The following KAZN variants were observed in gnomAD, a reference collection of about 807,000 sequenced individuals.
KAZN encodes the protein kazrin.
Under a neutral mutation model 87.4 loss-of-function variants are expected in KAZN, and 40 were observed. That is an observed-to-expected ratio of 0.46 (90% CI 0.36 to 0.60). The LOEUF (loss-of-function observed/expected upper bound fraction) is 0.60. Among genes scored for constraint, KAZN ranks in the 20% least tolerant of loss-of-function variants. KAZN has a pLI of 0.00. For missense variants in KAZN, 898 were observed against 1,073.9 expected (o/e 0.84, Z 2.29); for synonymous variants, 466 against 458.3 (o/e 1.02, Z -0.22).
At chr1:14,244,908 G>C (rs555436665) in intron 2 of KAZN, among the ~76,000 whole-genome samples, 10 of 152,194 alleles carry the variant, frequency 6.6e-5, no homozygotes, top group African/African-American at 2.4e-4. Flanking sequence ...GTAGTATTCT[G>C]AGCAGAAGAG....
intron 2 of KAZN, among the ~76,000 whole-genome samples, chr1:14,284,855 C>A (rs1349746085): frequency 6.6e-6 from 1 of 152,184 alleles, no homozygotes; most frequent in Non-Finnish European, 1.5e-5. Context: ...GGCTATTGGG[C>A]AAGTTAGTAC....
In KAZN at chr1:14,735,411, G is replaced by A. The variant is rs1438550208; in HGVS notation, c.226+136188G>A. Among the ~76,000 whole-genome samples the A allele has an allele frequency of 6.6e-6, 1 of 152,200 alleles. No homozygotes were observed. On this transcript the variant is annotated intron_variant, in intron 1 of 14. Transcript: ENST00000376030. This position sits in a 1 kb window ranked among gnomAD's most constrained non-coding sequence, Gnocchi z 4.3. ...TATTCTTGAAGGGAACACAAAAGAG[G>A]TATAGGATCTCCTTCTTCTTCCAGG...
intron 2 of KAZN, among the ~76,000 whole-genome samples, chr1:14,228,397 A>C (rs1241495491): frequency 6.6e-6 from 1 of 152,132 alleles, no homozygotes; most frequent in Non-Finnish European, 1.5e-5. Flanking sequence ...GGGAACCAAG[A>C]AGTTTGATTT....
intron 1 of KAZN, among the ~76,000 whole-genome samples, chr1:14,768,390 A>G (rs1194255934): frequency 6.6e-6 from 1 of 152,218 alleles, no homozygotes; most frequent in African/African-American, 2.4e-5. Context: ...GGAAGGTAGA[A>G]TCAGCTTCAT....
chr1:14,535,664 C>CA (rs56960061), intron 2 of KAZN, among the ~76,000 whole-genome samples: 4 of 146,168 alleles, frequency 2.7e-5, no homozygotes, highest in African/African-American at 1.0e-4. Context: ...GACTCTGTCT[C>CA]AAAAAAAAAA....
rs550023480 is a variant in KAZN, at chr1:14,166,476, G to A, written c.92-13959G>A. On this transcript the variant is annotated intron_variant, in intron 1 of 16. Transcript: ENST00000636203. ...CTCAAGTTTCTCATCTATGAAATGC[G>A]GGTGATCAGATCACCATCATCTGAC... 7.9e-5 allele frequency among the ~76,000 whole-genome samples: 12 copies of A among 152,208 alleles called. No homozygotes were observed. The East Asian group carries it at 9.6e-4, about 12-fold the overall frequency.
chr1:14,172,330 C>A (rs1370370815), intron 1 of KAZN, among the ~76,000 whole-genome samples: 1 of 152,164 alleles, frequency 6.6e-6, no homozygotes, highest in East Asian at 1.9e-4. Context: ...GATGATGGGG[C>A]AGAGGGAGGG....
chr1:14,366,204 G>C (rs1205656648), intron 2 of KAZN, among the ~76,000 whole-genome samples: 1 of 152,208 alleles, frequency 6.6e-6, no homozygotes, highest in East Asian at 1.9e-4. Context: ...AAAGTCTGTG[G>C]AAATGGTTTG....
chr1:14,862,238 A>G (rs1186285846), intron 1 of KAZN, among the ~76,000 whole-genome samples: 1 of 152,248 alleles, frequency 6.6e-6, no homozygotes, highest in Admixed American at 6.5e-5. Context: ...AAATGTGTGA[A>G]CCAAGTGCCA....
intron 1 of KAZN, among the ~76,000 whole-genome samples, chr1:14,740,582 T>C (rs1250193852): frequency 2.0e-5 from 3 of 152,116 alleles, no homozygotes; most frequent in East Asian, 3.9e-4. Context: ...ATGGTTCTCC[T>C]TCTTTAAATC....
At chr1:14,033,031 G>T (rs895936807) in intron 1 of KAZN, among the ~76,000 whole-genome samples, 2 of 152,134 alleles carry the variant, frequency 1.3e-5, no homozygotes, top group African/African-American at 2.4e-5. Flanking sequence ...CTGGGCCTCT[G>T]CCCTGCTCCT....
intron 2 of KAZN, among the ~76,000 whole-genome samples, chr1:14,579,317 T>C (rs1287312148): frequency 1.3e-5 from 2 of 152,182 alleles, no homozygotes; most frequent in African/African-American, 4.8e-5. Context: ...TGCCCCCAAA[T>C]TGTGGTTTTT....
chr1:13,991,110 G>A (rs1178833051), intron 1 of KAZN, among the ~76,000 whole-genome samples: 2 of 152,054 alleles, frequency 1.3e-5, no homozygotes, highest in Non-Finnish European at 2.9e-5. Context: ...GTGGTATGCT[G>A]GTAAATGTTT....
intron 2 of KAZN, among the ~76,000 whole-genome samples, chr1:14,528,911 G>A (rs1045376989): frequency 1.3e-4 from 19 of 151,874 alleles, no homozygotes; most frequent in African/African-American, 4.8e-5. Context: ...CTCATTCCAC[G>A]TGCAAAACAG....
At chr1:14,759,285 G>A (rs572451941) in intron 1 of KAZN, among the ~76,000 whole-genome samples, 13 of 152,276 alleles carry the variant, frequency 8.5e-5, no homozygotes, top group African/African-American at 2.4e-4. Context: ...GCATCGCACC[G>A]TGGCTTTGGT....
At chr1:14,035,257 G>T (rs1641504122) in intron 1 of KAZN, among the ~76,000 whole-genome samples, 4 of 152,064 alleles carry the variant, frequency 2.6e-5, no homozygotes, top group Admixed American at 2.0e-4. Context: ...ACAAAAAATT[G>T]CAGTAGATAC....
intron 1 of KAZN, among the ~76,000 whole-genome samples, chr1:13,990,497 A>AAT (rs1553182262): frequency 6.6e-6 from 1 of 151,480 alleles, no homozygotes; most frequent in African/African-American, 2.4e-5. Context: ...GGTAGAAAAA[A>AAT]ATCAACACAC....
chr1:13,922,506 GA>G (rs1640106854), intron 1 of KAZN, among the ~76,000 whole-genome samples: 1 of 152,186 alleles, frequency 6.6e-6, no homozygotes, highest in South Asian at 2.1e-4. Context: ...CTTCCTAGGA[GA>G]AGGGTTTATT....
chr1:13,896,044 T>C (rs992572778), intron 1 of KAZN, among the ~76,000 whole-genome samples: 1 of 152,222 alleles, frequency 6.6e-6, no homozygotes, highest in East Asian at 1.9e-4. Flanking sequence ...CAGGCTACAG[T>C]GCAGTGGCAT....
Sources: allele counts gnomAD v4.1 joint callset (sites outside exome capture counted in the v4.1 genomes callset), GRCh38; gene constraint gnomAD v4.1.1; non-coding constraint Gnocchi (gnomAD v3.1); transcripts MANE v1.5; gene names NCBI Gene and HGNC (gene_info 2026-07-23, HGNC 2026-07-21).